Variants in PCLO observed in about 807,000 individuals in gnomAD.
PCLO encodes protein piccolo.
A neutral mutation model predicts 427.5 loss-of-function variants in PCLO; 82 were observed. The observed-to-expected ratio is 0.19, with a 90% CI of 0.16 to 0.23. The LOEUF (loss-of-function observed/expected upper bound fraction) is 0.23, where lower values mean the gene tolerates loss of function less well. Among genes scored for constraint, PCLO ranks in the 10% least tolerant of loss-of-function variants. PCLO has a pLI of 1.00. For missense variants in PCLO, 6,239 were observed against 6,115.9 expected, an observed-to-expected ratio of 1.02 and a Z score of -0.67; for synonymous variants, 2,357 against 2,155.4, an observed-to-expected ratio of 1.09 and a Z score of -2.59.
At chr7:82,910,676 G>C (rs946264629) in intron 7 of PCLO, among the ~76,000 whole-genome samples, 5 of 152,052 alleles carry the variant, frequency 3.3e-5, no homozygotes, top group Non-Finnish European at 4.4e-5. Flanking sequence ...AAACATCCTA[G>C]TTATGATAAA....
At chr7:83,050,106 G>C (rs147378547) in intron 3 of PCLO, among the ~76,000 whole-genome samples, 4 of 148,242 alleles carry the variant, frequency 2.7e-5, no homozygotes, top group African/African-American at 7.5e-5. Context: ...TGTGATGGTT[G>C]AGGGCTTGAG....
At chr7:82,805,207 A>G (rs182370118) in intron 21 of PCLO, among the ~76,000 whole-genome samples, 5 of 152,160 alleles carry the variant, frequency 3.3e-5, no homozygotes, top group South Asian at 2.1e-4. Context: ...GAAACCTTCA[A>G]TGTTAATTGT....
At chr7:82,979,889 C>T (rs1796109066) in intron 3 of PCLO, among the ~76,000 whole-genome samples, 1 of 152,130 alleles carries the variant, frequency 6.6e-6, no homozygotes, top group South Asian at 2.1e-4. Context: ...GGACACATAA[C>T]AACCAAAAGT....
rs752568603 is a variant in PCLO at position 82,950,190 on chromosome 7, C to G, written c.10398G>C (p.Lys3466Asn). The change falls in exon 6 of 25, where the codon AAG (lysine) becomes AAC (asparagine). Residue 3466 changes from lysine to asparagine, a missense_variant. Transcript: ENST00000333891. ...SYVSRRRRTKKSVDTSVQTDD... is the reference protein window; with the variant it reads ...SYVSRRRRTKNSVDTSVQTDD... ...CAGTTTGGACGCTTGTATCCACACT[C>G]TTTTTAGTTCTCCTTCTCCTACTCA... is the stretch of plus-strand genomic sequence containing the variant. 1 of 1,611,824 alleles carries G rather than the reference C, an allele frequency of 6.2e-7. No homozygotes were observed. Among genetic ancestry groups the G allele is most frequent in the Admixed American group, 1.7e-5 (1 of 59,638 alleles).
At chr7:82,803,249 C>T (rs1183451797) in intron 21 of PCLO, among the ~76,000 whole-genome samples, 1 of 152,046 alleles carries the variant, frequency 6.6e-6, no homozygotes, top group Non-Finnish European at 1.5e-5. Flanking sequence ...TGAACCAAAA[C>T]ATACCTTGTT....
chr7:83,101,465 A>C (rs1790736911), intron 3 of PCLO, among the ~76,000 whole-genome samples: 1 of 152,118 alleles, frequency 6.6e-6, no homozygotes, highest in Non-Finnish European at 1.5e-5. Context: ...CCAATAATGG[A>C]AAAGAATTTC....
intron 3 of PCLO, among the ~76,000 whole-genome samples, chr7:83,099,633 C>G (rs1191179069): frequency 6.6e-6 from 1 of 152,028 alleles, no homozygotes; most frequent in Non-Finnish European, 1.5e-5. Context: ...TCAGGTGATC[C>G]ACCGGCCTCG....
chr7:83,123,463 A>T (rs2116570807), intron 3 of PCLO, among the ~76,000 whole-genome samples: 1 of 152,310 alleles, frequency 6.6e-6, no homozygotes, highest in African/African-American at 2.4e-5. Context: ...CTTACCATAT[A>T]CAAAAATGAA....
At chr7:82,909,351 C>T (rs1209187133) in intron 7 of PCLO, among the ~76,000 whole-genome samples, 1 of 151,972 alleles carries the variant, frequency 6.6e-6, no homozygotes, top group Non-Finnish European at 1.5e-5. Context: ...TCAAAAGGAT[C>T]ATTCTATTTA....
chr7:83,140,994 A>C (rs1791846288), intron 2 of PCLO, among the ~76,000 whole-genome samples: 1 of 152,166 alleles, frequency 6.6e-6, no homozygotes, highest in Admixed American at 6.5e-5. Context: ...TTTAGTCCTT[A>C]TCACTTCCTC....
At chr7:82,895,453 A>C (rs1393987956) in intron 9 of PCLO, among the ~76,000 whole-genome samples, 2 of 151,916 alleles carry the variant, frequency 1.3e-5, no homozygotes, top group African/African-American at 4.8e-5. Context: ...TAAATGAAAG[A>C]AAAGATATAG....
chr7:83,162,322 C>A (rs754103791), intron 1 of PCLO, 23 bp downstream of exon 1: 10 of 1,583,422 alleles, frequency 6.3e-6, no homozygotes, highest in Non-Finnish European at 6.9e-6. Flanking sequence ...TATGCCCGGA[C>A]ATATACATCA....
intron 1 of PCLO, among the ~76,000 whole-genome samples, chr7:83,161,490 T>C (rs1328712955): frequency 6.6e-6 from 1 of 152,186 alleles, no homozygotes; most frequent in South Asian, 2.1e-4. Context: ...ACAACTAATC[T>C]ATTGGGATGA....
intron 3 of PCLO, among the ~76,000 whole-genome samples, chr7:83,043,912 CT>C (rs869061778): frequency 0.18 from 17,257 of 95,258 alleles, 973 homozygotes; most frequent in Middle Eastern, 0.38. Flanking sequence ...CTATTATTTT[CT>C]TTTTTTTTTT....
chr7:82,865,165 TA>T (rs888331151), intron 10 of PCLO, among the ~76,000 whole-genome samples: 49 of 146,302 alleles, frequency 3.3e-4, no homozygotes, highest in South Asian at 8.7e-4. Flanking sequence ...ATGATAGAAA[TA>T]AAAAAAAAAA....
rs560530524 is a variant in PCLO, at chr7:83,125,613, G to T, written c.3300+8637C>A. Among the ~76,000 whole-genome samples the T allele has an allele frequency of 4.8e-3, 736 of 152,242 alleles. 11 individuals carry two copies. The highest frequency in any genetic ancestry group is 0.017 in the African/African-American group (698 of 41,542). On this transcript the variant is annotated intron_variant, in intron 3 of 24. Transcript: ENST00000333891. ...CAACCCCCTGCTCTCTGAAACATGTGCTGTGTCAACTCAGGGTTAAATGGA... is the reference window on the plus strand; with the variant it reads ...CAACCCCCTGCTCTCTGAAACATGTTCTGTGTCAACTCAGGGTTAAATGGA...
intron 3 of PCLO, among the ~76,000 whole-genome samples, chr7:83,048,307 A>T (rs937663289): frequency 6.6e-6 from 1 of 152,082 alleles, no homozygotes; most frequent in African/African-American, 2.4e-5. Flanking sequence ...TTTAATAAAC[A>T]TGTTGCTAAC....
intron 6 of PCLO, among the ~76,000 whole-genome samples, chr7:82,921,071 C>T (rs774781468): frequency 1.3e-4 from 19 of 151,942 alleles, no homozygotes; most frequent in East Asian, 5.8e-4. Flanking sequence ...AAGAAATCTA[C>T]ACTTTGCCCA....
intron 7 of PCLO, chr7:82,914,444 A>C: frequency 1.7e-6 from 1 of 593,026 alleles, no homozygotes; most frequent in Non-Finnish European, 3.0e-6. Flanking sequence ...ACACCAAACA[A>C]ATCAAGCAAA....
Sources: allele counts gnomAD v4.1 joint callset (sites outside exome capture counted in the v4.1 genomes callset), GRCh38; gene constraint gnomAD v4.1.1; transcripts MANE v1.5; gene names NCBI Gene and HGNC (gene_info 2026-07-23, HGNC 2026-07-21).